Variants in WDR64 observed in about 807,000 individuals in gnomAD.
The protein encoded by WDR64 is WD repeat domain 64, also known as WD repeat-containing protein 64.
Under a neutral mutation model 139.3 loss-of-function variants are expected in WDR64, and 112 were observed. That is an observed-to-expected ratio of 0.80 (90% CI 0.69 to 0.94). The LOEUF (loss-of-function observed/expected upper bound fraction) is 0.94, where lower values mean the gene tolerates loss of function less well. Ranked by LOEUF, WDR64 falls within the 40% of genes least tolerant of loss-of-function variation. The pLI, the probability that WDR64 is intolerant of heterozygous loss-of-function variation, is 0.00. For missense variants in WDR64, 1,206 were observed against 1,293.1 expected (o/e 0.93, Z 1.03); for synonymous variants, 444 against 437.7 (o/e 1.01, Z -0.18).
intron 8 of WDR64, among the ~76,000 whole-genome samples, chr1:241,711,264 G>A (rs1668154993): frequency 6.6e-6 from 1 of 151,234 alleles, no homozygotes; most frequent in Non-Finnish European, 1.5e-5. Flanking sequence ...AGTAGAAGCA[G>A]AGAAATTACC....
At chr1:241,698,863 T>G (rs1166428579) in intron 8 of WDR64, among the ~76,000 whole-genome samples, 1 of 152,166 alleles carries the variant, frequency 6.6e-6, no homozygotes, top group East Asian at 1.9e-4. Flanking sequence ...ACTGGGTAAT[T>G]TATAAAGGAA....
chr1:241,664,059 C>CT (rs1255553535), intron 2 of WDR64, among the ~76,000 whole-genome samples: 1 of 152,232 alleles, frequency 6.6e-6, no homozygotes, highest in East Asian at 1.9e-4. Flanking sequence ...GTCAGCTACT[C>CT]TGCAGCCACA....
At chr1:241,727,454 T>G (rs550430897) in intron 10 of WDR64, among the ~76,000 whole-genome samples, 12 of 152,360 alleles carry the variant, frequency 7.9e-5, no homozygotes, top group Admixed American at 7.2e-4. Context: ...GGAAAATTAC[T>G]TAATATCTTT....
chr1:241,655,301 T>C (rs1348923441), intron 1 of WDR64, among the ~76,000 whole-genome samples: 1 of 152,116 alleles, frequency 6.6e-6, no homozygotes, highest in Non-Finnish European at 1.5e-5. Flanking sequence ...GAGAATTGCT[T>C]GAACCAGGAC....
intron 10 of WDR64, among the ~76,000 whole-genome samples, chr1:241,725,715 C>T (rs1157999314): frequency 2.0e-5 from 3 of 152,194 alleles, no homozygotes; most frequent in Non-Finnish European, 4.4e-5. Context: ...GCAGCCCTCA[C>T]CTGCCAATAT....
At chr1:241,717,305 G>A (rs1668439721) in intron 9 of WDR64, among the ~76,000 whole-genome samples, 1 of 152,128 alleles carries the variant, frequency 6.6e-6, no homozygotes, top group Non-Finnish European at 1.5e-5. Context: ...ATGGAGCCTT[G>A]AAGATTATAA....
chr1:241,703,629 T>C lies in WDR64; in HGVS notation c.975-8173T>C, dbSNP rs1667819130. Among the ~76,000 whole-genome samples, 1 of 152,212 alleles carries C rather than the reference T, an allele frequency of 6.6e-6. No homozygotes were observed. Among genetic ancestry groups the C allele is most frequent in the South Asian group, 2.1e-4 (1 of 4,834 alleles). On this transcript the variant is annotated intron_variant, in intron 8 of 27. Transcript: ENST00000437684. The surrounding 1 kb of genome is among the most constrained non-coding windows in gnomAD (Gnocchi z 5.9). ...TTATTGTTAATCAGGTATTTGTCCCTTAAGGATATTCAAACAATTATTTAT... is the reference window on the plus strand; with the variant it reads ...TTATTGTTAATCAGGTATTTGTCCCCTAAGGATATTCAAACAATTATTTAT...
chr1:241,743,246 C>G (rs1669619992), intron 12 of WDR64, among the ~76,000 whole-genome samples: 1 of 152,168 alleles, frequency 6.6e-6, no homozygotes, highest in African/African-American at 2.4e-5. Context: ...GGTGAGTTTT[C>G]ATGCCAGGTT....
chr1:241,708,585 A>T (rs1328481654), intron 8 of WDR64, among the ~76,000 whole-genome samples: 4 of 151,898 alleles, frequency 2.6e-5, no homozygotes, highest in South Asian at 4.2e-4. Context: ...AAGTGCTGGG[A>T]TTACAGGCAT....
chr1:241,654,797 T>C (rs1312655907), intron 1 of WDR64, among the ~76,000 whole-genome samples: 1 of 152,238 alleles, frequency 6.6e-6, no homozygotes, highest in African/African-American at 2.4e-5. Context: ...ATTCAATGCA[T>C]ACAAACTTTG....
intron 9 of WDR64, among the ~76,000 whole-genome samples, chr1:241,717,862 T>C (rs1451582217): frequency 6.6e-6 from 1 of 152,260 alleles, no homozygotes; most frequent in East Asian, 1.9e-4. Flanking sequence ...TCTAAATGCA[T>C]TGTAGGAACT....
intron 7 of WDR64, 27 bp from the exon 8 acceptor site, chr1:241,687,434 T>G: frequency 6.2e-7 from 1 of 1,611,310 alleles, no homozygotes; most frequent in South Asian, 1.1e-5. Flanking sequence ...CTAACATAAA[T>G]CTCCCCTGCC....
chr1:241,705,746 C>T (rs1667929349), intron 8 of WDR64, among the ~76,000 whole-genome samples: 1 of 151,976 alleles, frequency 6.6e-6, no homozygotes, highest in Non-Finnish European at 1.5e-5. Flanking sequence ...TGCCAACACG[C>T]CCGGCTAATT....
At chr1:241,714,029 T>C (rs888836439) in intron 9 of WDR64, among the ~76,000 whole-genome samples, 2 of 152,152 alleles carry the variant, frequency 1.3e-5, no homozygotes, top group Non-Finnish European at 2.9e-5. Flanking sequence ...CAAGTGTTGA[T>C]TGGACATTCA....
chr1:241,754,320 C>CTTTTTTTTTTTTT (rs71174845), intron 14 of WDR64, among the ~76,000 whole-genome samples: 27 of 81,814 alleles, frequency 3.3e-4, no homozygotes, highest in East Asian at 4.0e-4. Context: ...TTTTCTTTTT[C>CTTTTTTTTTTTTT]TTTTTTTTTT....
chr1:241,667,800 A>G (rs1013091930), intron 2 of WDR64, among the ~76,000 whole-genome samples: 10 of 152,256 alleles, frequency 6.6e-5, no homozygotes, highest in Non-Finnish European at 1.2e-4. Context: ...TAGGAAAATG[A>G]GAGCCATACT....
intron 27 of WDR64, among the ~76,000 whole-genome samples, chr1:241,797,945 C>T (rs1295293262): frequency 1.3e-5 from 2 of 152,054 alleles, no homozygotes; most frequent in Non-Finnish European, 2.9e-5. Flanking sequence ...ACTTTGCATT[C>T]TTTAAGTAAA....
rs1005075080 is a variant in WDR64, at chr1:241,759,194, C to A, written c.1947+1735C>A. 2.0e-5 allele frequency among the ~76,000 whole-genome samples: 3 copies of A among 152,126 alleles called. No homozygotes were observed. The South Asian group carries it at 6.2e-4, about 32-fold the overall frequency. On this transcript the variant is annotated intron_variant, in intron 15 of 27. Coordinates refer to ENST00000437684, the MANE Select transcript of WDR64 (RefSeq NM_001367482.1). ...CAATAAAATTACTAGGAACATGATA[C>A]CTGACACAGCTCAAAATCTTCCTTT...
intron 4 of WDR64, among the ~76,000 whole-genome samples, chr1:241,676,839 C>G (rs116259576): frequency 2.5e-3 from 385 of 151,558 alleles, no homozygotes; most frequent in African/African-American, 8.8e-3. Context: ...CACCTCATGG[C>G]CTCCCAAATT....
Sources: gnomAD v4.1 joint callset for allele counts (sites outside exome capture counted in the v4.1 genomes callset) on GRCh38, gnomAD v4.1.1 for gene constraint, Gnocchi (gnomAD v3.1) non-coding constraint, MANE v1.5 for transcripts, NCBI Gene and HGNC (gene_info 2026-07-23, HGNC 2026-07-21) for gene names.